Variants in SHC3 observed in about 807,000 individuals in gnomAD.
The protein encoded by SHC3 is SHC adaptor protein 3, also known as SHC-transforming protein 3.
SHC3 carries 15 observed loss-of-function variants against 60.4 expected under a neutral mutation model. The ratio of observed to expected loss-of-function variants is 0.25; its 90% CI spans 0.17 to 0.38. The LOEUF (loss-of-function observed/expected upper bound fraction) is 0.38, where lower values mean the gene tolerates loss of function less well. SHC3 is among the 10% of genes least tolerant of loss of function. The probability of loss-of-function intolerance (pLI) is 1.00; values close to 1 mark genes in which losing one functional copy is unlikely to be tolerated. For missense variants in SHC3, 677 were observed against 786.1 expected (o/e 0.86, Z 1.66); for synonymous variants, 294 against 325.9 (o/e 0.90, Z 1.05).
At chr9:89,135,166 C>T (rs997883826) in intron 1 of SHC3, among the ~76,000 whole-genome samples, 3 of 152,124 alleles carry the variant, frequency 2.0e-5, no homozygotes, top group African/African-American at 4.8e-5. Flanking sequence ...AAGGCTTTGA[C>T]TCAAACGGTG....
Position 89,178,251 on chromosome 9 carries a change from C to G in SHC3, c.210G>C (p.Lys70Asn). The change falls in exon 1 of 12, where the codon AAG (lysine) becomes AAC (asparagine). Residue 70 changes from lysine to asparagine, a missense_variant. Physicochemically the swap from Lys to Asn is moderately conservative, Grantham distance 94. Coordinates refer to ENST00000375835, the MANE Select transcript of SHC3 (RefSeq NM_016848.6). The surrounding 1 kb of genome is among the most constrained non-coding windows in gnomAD (Gnocchi z 6.9). The part of the protein sequence containing the change: ...GPGSLGHLLH[K>N]VSHLKLSSSG... ...AGCTGGAGAGTTTCAGGTGGGACAC[C>G]TTGTGGAGCAGGTGGCCCAGGCTGC... The G allele has an allele frequency of 6.5e-7, 1 of 1,527,336 alleles. No individual in the cohort carries two copies. The highest frequency in any genetic ancestry group is 8.8e-7 in the Non-Finnish European group (1 of 1,139,470). 94.6% of individuals were successfully genotyped at this position (1,527,336 alleles called of 1,614,324 possible).
At chr9:89,084,406 T>C (rs1825494915) in intron 2 of SHC3, among the ~76,000 whole-genome samples, 1 of 152,234 alleles carries the variant, frequency 6.6e-6, no homozygotes, top group South Asian at 2.1e-4. Flanking sequence ...AAGAGGTTCC[T>C]AAACCATGCT....
At chr9:89,147,472 T>C (rs1826486611) in intron 1 of SHC3, among the ~76,000 whole-genome samples, 1 of 152,094 alleles carries the variant, frequency 6.6e-6, no homozygotes, top group Non-Finnish European at 1.5e-5. Flanking sequence ...GATTCCTCCT[T>C]CCTGGAATCC....
chr9:89,150,226 T>G (rs1826526615), intron 1 of SHC3, among the ~76,000 whole-genome samples: 1 of 152,164 alleles, frequency 6.6e-6, no homozygotes, highest in African/African-American at 2.4e-5. Context: ...AGATACCCAC[T>G]GGGGGTCTTG....
At chr9:89,130,636 G>A (rs568295968) in intron 1 of SHC3, among the ~76,000 whole-genome samples, 17 of 152,148 alleles carry the variant, frequency 1.1e-4, no homozygotes, top group Non-Finnish European at 2.5e-4. Context: ...CAACTACATG[G>A]AAACTGAGCA....
At chr9:89,113,249 T>C (rs1174428411) in intron 1 of SHC3, among the ~76,000 whole-genome samples, 1 of 152,204 alleles carries the variant, frequency 6.6e-6, no homozygotes, top group African/African-American at 2.4e-5. Context: ...TTTTGATCAG[T>C]TTCACACATG....
intron 3 of SHC3, among the ~76,000 whole-genome samples, chr9:89,075,978 ACT>A (rs1825352022): frequency 6.6e-6 from 1 of 151,452 alleles, no homozygotes; most frequent in Admixed American, 6.6e-5. Flanking sequence ...GGATTAGAAC[ACT>A]CTCTCTTTTG....
intron 2 of SHC3, among the ~76,000 whole-genome samples, chr9:89,100,682 T>C (rs1157527975): frequency 6.6e-6 from 1 of 152,230 alleles, no homozygotes; most frequent in Non-Finnish European, 1.5e-5. Context: ...TGATCTAATT[T>C]CTTTCTCTAT....
chr9:89,169,183 G>C (rs1180031056), intron 1 of SHC3, among the ~76,000 whole-genome samples: 1 of 152,054 alleles, frequency 6.6e-6, no homozygotes, highest in East Asian at 1.9e-4. Flanking sequence ...TTTCCAGAAG[G>C]CTCCTCTGAT....
chr9:89,146,358 A>AAAAAC (rs138798807), intron 1 of SHC3, among the ~76,000 whole-genome samples: 7 of 151,314 alleles, frequency 4.6e-5, no homozygotes, highest in African/African-American at 7.3e-5. Context: ...CTTTGTCTCC[A>AAAAAC]AAAACAAAAC....
chr9:89,096,782 A>C (rs1044726094), intron 2 of SHC3, among the ~76,000 whole-genome samples: 1 of 152,236 alleles, frequency 6.6e-6, no homozygotes, highest in African/African-American at 2.4e-5. Flanking sequence ...TAGAGAGTGA[A>C]GGTCAGAGAG....
At chr9:89,132,959 A>G (rs1430709199) in intron 1 of SHC3, among the ~76,000 whole-genome samples, 2 of 152,230 alleles carry the variant, frequency 1.3e-5, no homozygotes, top group Admixed American at 6.5e-5. Flanking sequence ...AACTACCATC[A>G]GAGTGAACAG....
At chr9:89,162,324 A>G (rs141187657) in intron 1 of SHC3, among the ~76,000 whole-genome samples, 11,023 of 151,814 alleles carry the variant, frequency 0.073, 525 homozygotes, top group Middle Eastern at 0.14. Context: ...GAGGCATCAC[A>G]CTACCTGACT....
chr9:89,113,084 T>A (rs1825973306), intron 1 of SHC3, among the ~76,000 whole-genome samples: 1 of 148,686 alleles, frequency 6.7e-6, no homozygotes, highest in Non-Finnish European at 1.5e-5. Flanking sequence ...GACCAACATT[T>A]TCATCAACAT....
At chr9:89,039,048 G>A (rs1312923258) in intron 10 of SHC3, among the ~76,000 whole-genome samples, 1 of 152,208 alleles carries the variant, frequency 6.6e-6, no homozygotes, top group Non-Finnish European at 1.5e-5. Context: ...ACTAAATCCC[G>A]ATGTTCGATT....
intron 1 of SHC3, among the ~76,000 whole-genome samples, chr9:89,137,985 G>A (rs938512595): frequency 5.3e-5 from 8 of 152,316 alleles, no homozygotes; most frequent in East Asian, 1.9e-4. Flanking sequence ...GGCTGCAAAC[G>A]CACTGAAAGG....
intron 1 of SHC3, among the ~76,000 whole-genome samples, chr9:89,159,309 G>T (rs975401420): frequency 6.6e-6 from 1 of 152,152 alleles, no homozygotes; most frequent in Admixed American, 6.6e-5. Context: ...TCCTTACTAT[G>T]AGCAGGGTGT....
At chr9:89,082,867 C>T (rs1019996886) in intron 2 of SHC3, among the ~76,000 whole-genome samples, 1 of 152,346 alleles carries the variant, frequency 6.6e-6, no homozygotes, top group East Asian at 1.9e-4. Flanking sequence ...ACCTTCCCCA[C>T]TGGCCCGCTC....
chr9:89,060,404 A>G (rs1026596452), intron 6 of SHC3, among the ~76,000 whole-genome samples: 2 of 151,876 alleles, frequency 1.3e-5, no homozygotes, highest in Non-Finnish European at 2.9e-5. Context: ...TTGGTGTAGG[A>G]TGGTACACAG....
Sources: gnomAD v4.1 joint callset for allele counts (sites outside exome capture counted in the v4.1 genomes callset) on GRCh38, gnomAD v4.1.1 for gene constraint, Gnocchi (gnomAD v3.1) non-coding constraint, MANE v1.5 for transcripts, NCBI Gene and HGNC (gene_info 2026-07-23, HGNC 2026-07-21) for gene names.